The following SLC35F3 variants were observed in gnomAD, a reference collection of about 807,000 sequenced individuals.
The protein encoded by SLC35F3 is solute carrier family 35 member F3.
A neutral mutation model predicts 49.9 loss-of-function variants in SLC35F3; 25 were observed. The observed-to-expected ratio is 0.50, with a 90% confidence interval of 0.37 to 0.70. SLC35F3 has a LOEUF of 0.70. Ranked by LOEUF, SLC35F3 falls within the 30% of genes least tolerant of loss-of-function variation. The pLI is 0.00. For missense variants in SLC35F3, 525 were observed against 639.8 expected (o/e 0.82, Z 1.94); for synonymous variants, 275 against 265.4 (o/e 1.04, Z -0.35).
At chr1:234,085,344 A>T (rs557657845) in intron 2 of SLC35F3, among the ~76,000 whole-genome samples, 2 of 152,342 alleles carry the variant, frequency 1.3e-5, no homozygotes, top group South Asian at 4.1e-4. Flanking sequence ...GATGATAATT[A>T]AAAATCACCC....
At chr1:234,066,514 T>C (rs960186436) in intron 2 of SLC35F3, among the ~76,000 whole-genome samples, 1 of 152,032 alleles carries the variant, frequency 6.6e-6, no homozygotes, top group African/African-American at 2.4e-5. Flanking sequence ...TCCATGGAGG[T>C]AGGAATGGGA....
intron 2 of SLC35F3, among the ~76,000 whole-genome samples, chr1:233,926,532 TC>T (rs1662163129): frequency 6.6e-6 from 1 of 152,168 alleles, no homozygotes; most frequent in African/African-American, 2.4e-5. Flanking sequence ...TAGCCATTCA[TC>T]TAATGTTTTT....
intron 2 of SLC35F3, among the ~76,000 whole-genome samples, chr1:234,036,819 G>C (rs1200164276): frequency 6.6e-6 from 1 of 152,268 alleles, no homozygotes; most frequent in Non-Finnish European, 1.5e-5. Flanking sequence ...GAGCCTTCTT[G>C]GGGTTTTGTA....
rs185182607 is a variant in SLC35F3, at chr1:233,968,858, G to A, written c.283+63100G>A. Among the ~76,000 whole-genome samples the A allele has an allele frequency of 3.9e-5, 6 of 152,010 alleles. No individual in the cohort carries two copies. The East Asian group carries it at 5.8e-4, about 15-fold the overall frequency. On this transcript the variant is annotated intron_variant, in intron 2 of 7. Transcript: ENST00000366618. ...GTAATCCCTAATTTCTATTATTCCT[G>A]TCTTTATGATCATGTATACTTAATG...
At chr1:234,020,397 G>A (rs1663871865) in intron 2 of SLC35F3, among the ~76,000 whole-genome samples, 1 of 152,138 alleles carries the variant, frequency 6.6e-6, no homozygotes, top group South Asian at 2.1e-4. Flanking sequence ...AACATAGACA[G>A]AGGCAGGCTA....
rs1291614345 is a variant in SLC35F3 at position 234,081,708 on chromosome 1, C to A, written c.284-149709C>A. On this transcript the variant is annotated intron_variant, in intron 2 of 7. Transcript: ENST00000366618. The stretch of plus-strand genomic sequence containing the variant: ...AGCTTGTGTGCCTTCCAGGTGTGGA[C>A]CCCTGGGGCAAGCTGGTAAGTTGGC... Among the ~76,000 whole-genome samples the A allele has an allele frequency of 3.3e-5, 5 of 151,828 alleles. No individual in the cohort carries two copies. The South Asian group carries it at 6.2e-4, about 19-fold the overall frequency.
chr1:234,264,003 G>A (rs1210066780), intron 3 of SLC35F3, among the ~76,000 whole-genome samples: 3 of 152,156 alleles, frequency 2.0e-5, no homozygotes, highest in African/African-American at 7.2e-5. Context: ...CAGCTACTCA[G>A]GAGGCTGAGG....
intron 2 of SLC35F3, among the ~76,000 whole-genome samples, chr1:234,106,450 T>A (rs975420851): frequency 2.0e-5 from 3 of 152,196 alleles, no homozygotes; most frequent in Admixed American, 1.3e-4. Context: ...AAGACCAAGA[T>A]CAGGGTGCCA....
chr1:234,071,974 C>A (rs1179241897), intron 2 of SLC35F3, among the ~76,000 whole-genome samples: 1 of 152,208 alleles, frequency 6.6e-6, no homozygotes, highest in Admixed American at 6.5e-5. Context: ...TCAGGGGACT[C>A]ATGAGTGTGG....
In SLC35F3 at chr1:233,922,908, G is replaced by A. The variant is rs138318577; in HGVS notation, c.283+17150G>A. Among the ~76,000 whole-genome samples, 1,176 of 152,106 alleles carry A rather than the reference G, an allele frequency of 7.7e-3. 15 individuals are homozygous for A. Among genetic ancestry groups the A allele is most frequent in the African/African-American group, 0.027 (1,107 of 41,512 alleles). ...AGCACCATTTATTAAATCGGGAATC[G>A]TTTCCCCATTTCTTGTTTTTGTCAG... On this transcript the variant is annotated intron_variant, in intron 2 of 7. Coordinates refer to ENST00000366618, the MANE Select transcript of SLC35F3 (RefSeq NM_173508.4).
chr1:233,984,251 C>G (rs79025623), intron 2 of SLC35F3, among the ~76,000 whole-genome samples: 2,134 of 152,254 alleles, frequency 0.014, 50 homozygotes, highest in African/African-American at 0.048. Context: ...GGCTAAAACC[C>G]AAGAAAAGCA....
intron 2 of SLC35F3, among the ~76,000 whole-genome samples, chr1:234,060,658 C>G (rs766923320): frequency 6.6e-6 from 1 of 151,986 alleles, no homozygotes; most frequent in Non-Finnish European, 1.5e-5. Context: ...TACCATGTTG[C>G]CCAGTCTGGT....
chr1:234,185,254 T>C (rs1459910104), intron 2 of SLC35F3, among the ~76,000 whole-genome samples: 1 of 152,040 alleles, frequency 6.6e-6, no homozygotes, highest in Admixed American at 6.5e-5. Flanking sequence ...GAGGACACTT[T>C]GGGAGGCAAA....
chr1:233,923,902 CAT>C (rs1393762620), intron 2 of SLC35F3, among the ~76,000 whole-genome samples: 1 of 152,110 alleles, frequency 6.6e-6, no homozygotes, highest in East Asian at 1.9e-4. Context: ...TTGAGATAAT[CAT>C]GTGGTTTTTG....
In SLC35F3 at chr1:234,196,307, A is replaced by C. The variant is rs142311781; in HGVS notation, c.284-35110A>C. Among the ~76,000 whole-genome samples the C allele has an allele frequency of 6.0e-3, 921 of 152,336 alleles. 7 individuals are homozygous for C. The highest frequency in any genetic ancestry group is 0.03 in the South Asian group (147 of 4,828). ...TTGCATGTAATTAAAAGTGGATATA[A>C]ATATGGCTGCAGAACTGCCTCCAAG... On this transcript the variant is annotated intron_variant, in intron 2 of 7. Coordinates refer to ENST00000366618, the MANE Select transcript of SLC35F3 (RefSeq NM_173508.4).
chr1:233,931,727 C>T (rs561049055), intron 2 of SLC35F3, among the ~76,000 whole-genome samples: 35 of 152,184 alleles, frequency 2.3e-4, no homozygotes, highest in Non-Finnish European at 4.4e-4. Context: ...TTGTGGAAGA[C>T]AGTGTGGCAA....
intron 2 of SLC35F3, among the ~76,000 whole-genome samples, chr1:234,179,213 A>T (rs1666522054): frequency 6.6e-6 from 1 of 152,182 alleles, no homozygotes; most frequent in South Asian, 2.1e-4. Context: ...TTCAGTGAAC[A>T]GAGAATTTTA....
chr1:233,945,126 C>T (rs4506523), intron 2 of SLC35F3, among the ~76,000 whole-genome samples: 33,620 of 151,388 alleles, frequency 0.22, 4,581 homozygotes, highest in African/African-American at 0.39. Context: ...AATTTTCATT[C>T]GGTTAGTGAT....
intron 2 of SLC35F3, among the ~76,000 whole-genome samples, chr1:234,131,936 G>A (rs975004264): frequency 6.6e-6 from 1 of 152,172 alleles, no homozygotes. Flanking sequence ...CAAAGATTTT[G>A]TTTATTCTAG....
Sources: allele counts gnomAD v4.1 joint callset (sites outside exome capture counted in the v4.1 genomes callset), GRCh38; gene constraint gnomAD v4.1.1; transcripts MANE v1.5; gene names NCBI Gene and HGNC (gene_info 2026-07-23, HGNC 2026-07-21).